Variants in CDH8 observed in about 807,000 individuals in gnomAD.
The protein encoded by CDH8 is cadherin 8.
A neutral mutation model predicts 68.1 loss-of-function variants in CDH8; 17 were observed. The observed-to-expected ratio is 0.25, with a 90% CI of 0.17 to 0.37. The LOEUF is 0.37. Ranked by LOEUF, CDH8 falls within the 10% of genes least tolerant of loss-of-function variation. The probability of loss-of-function intolerance (pLI) is 1.00; values close to 1 mark genes in which losing one functional copy is unlikely to be tolerated. For missense variants in CDH8, 763 were observed against 999.3 expected, an observed-to-expected ratio of 0.76 and a Z score of 3.19; for synonymous variants, 372 against 365.1, an observed-to-expected ratio of 1.02 and a Z score of -0.21.
At chr16:61,789,011 T>C (rs910320691) in intron 8 of CDH8, among the ~76,000 whole-genome samples, 4 of 151,970 alleles carry the variant, frequency 2.6e-5, no homozygotes, top group African/African-American at 9.7e-5. Context: ...TGTGTCCAAT[T>C]ATTTAAATTA....
intron 3 of CDH8, among the ~76,000 whole-genome samples, chr16:61,866,098 TCCCAGC>T (rs746018326): frequency 0.036 from 127 of 3,506 alleles, 1 homozygote; most frequent in African/African-American, 9.6e-3. Flanking sequence ...GCACCTGTAG[TCCCAGC>T]TACCAGCTAC....
chr16:61,773,404 T>TAC (rs1960827543), intron 8 of CDH8, among the ~76,000 whole-genome samples: 1 of 152,132 alleles, frequency 6.6e-6, no homozygotes, highest in African/African-American at 2.4e-5. Flanking sequence ...AGTGCTCACC[T>TAC]CTTAATGCAC....
intron 10 of CDH8, among the ~76,000 whole-genome samples, chr16:61,690,826 C>T (rs1010283074): frequency 6.6e-6 from 1 of 151,986 alleles, no homozygotes; most frequent in Non-Finnish European, 1.5e-5. Context: ...GTTAATCATA[C>T]GTGGGTGACT....
chr16:61,683,888 CAG>C (rs1327473397), intron 10 of CDH8, among the ~76,000 whole-genome samples: 1 of 151,890 alleles, frequency 6.6e-6, no homozygotes, highest in African/African-American at 2.4e-5. Context: ...CAGTTGAAGA[CAG>C]AACAAAGATT....
chr16:61,693,538 C>G (rs1964273114), intron 10 of CDH8: 1 of 152,052 alleles, frequency 6.6e-6, no homozygotes, highest in Non-Finnish European at 1.5e-5. Flanking sequence ...TAAGATGGTA[C>G]ATCTAAACAA....
In CDH8 at chr16:61,659,497, G is replaced by A. The variant is rs1963513764; in HGVS notation, c.1655-3776C>T. 2.6e-5 allele frequency among the ~76,000 whole-genome samples: 4 copies of A among 152,276 alleles called. No homozygotes were observed. In the South Asian group the frequency reaches 8.3e-4, roughly 32 times the overall value. The stretch of plus-strand genomic sequence containing the variant: ...CCTAGTTACTTACTGTTCAAGCTAA[G>A]TTCTAAGTCAGTATGGTCAAGAGGC... On this transcript the variant is annotated intron_variant, in intron 10 of 11. Transcript: ENST00000577390.
chr16:61,832,390 A>C (rs2143004859), intron 4 of CDH8, among the ~76,000 whole-genome samples: 1 of 151,764 alleles, frequency 6.6e-6, no homozygotes, highest in Middle Eastern at 3.4e-3. Context: ...ATACATAGAG[A>C]AATAGAGAGG....
At chr16:61,961,549 C>T (rs987448269) in intron 2 of CDH8, among the ~76,000 whole-genome samples, 1 of 152,058 alleles carries the variant, frequency 6.6e-6, no homozygotes, top group African/African-American at 2.4e-5. Flanking sequence ...AGGGAAAGAG[C>T]TTCATAGGCT....
chr16:61,899,286 T>G (rs552966865), intron 3 of CDH8, among the ~76,000 whole-genome samples: 4 of 152,306 alleles, frequency 2.6e-5, no homozygotes, highest in African/African-American at 9.6e-5. Flanking sequence ...GCTTCAGCCA[T>G]GTACATAGTT....
chr16:62,029,230 A>G (rs1423848179), intron 1 of CDH8, among the ~76,000 whole-genome samples: 1 of 152,196 alleles, frequency 6.6e-6, no homozygotes, highest in African/African-American at 2.4e-5. Flanking sequence ...GTAACTATTT[A>G]TTGGATGTTT....
intron 6 of CDH8, 105 bp downstream of exon 6, chr16:61,820,821 T>C: frequency 1.1e-6 from 1 of 898,108 alleles, no homozygotes; most frequent in Non-Finnish European, 1.7e-6. Context: ...GCTAAACACC[T>C]ACCAGCTGTG....
intron 2 of CDH8, among the ~76,000 whole-genome samples, chr16:61,992,077 T>TGTGTGTGTGTGTGTGTGTGAGAGA (rs34925928): frequency 5.2e-4 from 75 of 144,238 alleles, no homozygotes; most frequent in African/African-American, 1.9e-3. Flanking sequence ...TGTGTGTGTG[T>TGTGTGTGTGTGTGTGTGTGAGAGA]GAGAGAGAGA....
At position 61,651,969 on chromosome 16, in the gene CDH8, T is replaced by C. The variant is rs1307015212; in HGVS notation, c.*1639A>G. The C allele has an allele frequency of 8.0e-6, 4 of 501,060 alleles. No individual in the cohort carries two copies. The highest frequency in any genetic ancestry group is 1.0e-5 in the Non-Finnish European group (4 of 387,870). The allele number at this position is 501,060 out of a possible 1,614,324, so 31.0% of individuals were successfully genotyped here. ...TAGTTTGAGTTGATGATTCTGTTAA[T>C]AGATCTTCCACTGATTGAAAAAAAA... On this transcript the variant is annotated 3_prime_UTR_variant, in exon 12 of 12. Transcript: ENST00000577390.
At chr16:61,876,483 A>AGC (rs1015577473) in intron 3 of CDH8, among the ~76,000 whole-genome samples, 2 of 152,124 alleles carry the variant, frequency 1.3e-5, no homozygotes, top group Non-Finnish European at 2.9e-5. Context: ...GCTTTGAATG[A>AGC]CTAATGCCAA....
rs1596884463 is a variant in CDH8, at chr16:61,706,493, C to T, written c.1654+7348G>A. ...AAAATTAGCCGGGCGTGGTGGCGGG[C>T]GCCTGTAGTCCCGGCTACTCAGGAG... On this transcript the variant is annotated intron_variant, in intron 10 of 11. Transcript: ENST00000577390. Among the ~76,000 whole-genome samples the T allele has an allele frequency of 2.0e-5, 3 of 151,784 alleles. No individual in the cohort carries two copies. In the South Asian group the frequency reaches 6.2e-4, roughly 32 times the overall value.
Position 61,713,852 on chromosome 16 carries a change from T to C in CDH8, c.1643A>G (p.Lys548Arg). ...GCTAATATATTTACCTTCATTTTTCTTGATGGTGAAATTCGGATTGTTGAC... is the reference window on the plus strand; with the variant it reads ...GCTAATATATTTACCTTCATTTTTCCTGATGGTGAAATTCGGATTGTTGAC... ...EMVNNPNFTI[K>R]KNEDNSLSIL... The change falls in exon 10 of 12, where the codon AAG (lysine) becomes AGG (arginine). Residue 548 changes from lysine to arginine, a missense_variant. Lys to Arg is a conservative substitution (Grantham distance 26, BLOSUM62 2). Coordinates refer to ENST00000577390, the MANE Select transcript of CDH8 (RefSeq NM_001796.5). 1.9e-6 allele frequency: 3 copies of C among 1,548,160 alleles called. No homozygotes were observed. Among genetic ancestry groups the C allele is most frequent in the Non-Finnish European group, 2.7e-6 (3 of 1,121,024 alleles).
chr16:61,844,280 G>A (rs1962753857), intron 4 of CDH8, among the ~76,000 whole-genome samples: 1 of 117,840 alleles, frequency 8.5e-6, no homozygotes, highest in Admixed American at 1.1e-4. Flanking sequence ...CTGTTGTGGG[G>A]TGGGGGGAGG....
intron 3 of CDH8, among the ~76,000 whole-genome samples, chr16:61,875,307 G>A (rs999946969): frequency 1.1e-4 from 16 of 152,050 alleles, no homozygotes; most frequent in Admixed American, 7.9e-4. Context: ...TAGAGAAATA[G>A]AGCATTACAA....
At chr16:61,683,046 A>T (rs867190412) in intron 10 of CDH8, among the ~76,000 whole-genome samples, 39 of 152,176 alleles carry the variant, frequency 2.6e-4, no homozygotes, top group African/African-American at 9.1e-4. Context: ...CTTGGACATG[A>T]GTTTAGAATT....
Sources: gnomAD v4.1 joint callset for allele counts (sites outside exome capture counted in the v4.1 genomes callset) on GRCh38, gnomAD v4.1.1 for gene constraint, MANE v1.5 for transcripts, NCBI Gene and HGNC (gene_info 2026-07-23, HGNC 2026-07-21) for gene names.